The following GLRA2 variants were observed in gnomAD, a reference collection of about 807,000 sequenced individuals.
GLRA2 encodes glycine receptor subunit alpha-2.
GLRA2 carries 11 observed loss-of-function variants against 31.6 expected under a neutral mutation model. That is an observed-to-expected ratio of 0.35 (90% CI 0.22 to 0.58). GLRA2 has a LOEUF of 0.58. Ranked by LOEUF, GLRA2 falls within the 20% of genes least tolerant of loss-of-function variation. GLRA2 has a pLI of 0.84. For missense variants in GLRA2, 212 were observed against 351.8 expected (o/e 0.60, Z 3.18); for synonymous variants, 132 against 134.0 (o/e 0.99, Z 0.10).
the GLRA2 span, among the ~76,000 whole-genome samples, chrX:14,497,213 A>G: frequency 8.9e-6 from 1 of 111,761 alleles, no homozygotes; most frequent in Admixed American, 9.5e-5. Context: ...ACATGGAAAG[A>G]TGATGTAAAG....
rs6628401 is a variant in GLRA2, at chrX:14,660,649, G to A, written c.931-30061G>A. Among the ~76,000 whole-genome samples, 382 of 111,924 alleles carry A rather than the reference G, an allele frequency of 3.4e-3. 1 individual carries two copies. The highest frequency in any genetic ancestry group is 0.011 in the African/African-American group (353 of 30,836). On this transcript the variant is annotated intron_variant, in intron 7 of 8. Transcript: ENST00000218075. ...AAAGCGAGAGATGGAGATTGGGACC[G>A]GTGGCTAGCAGTGGAGAGATGAGAA...
chrX:14,628,192 T>C (rs2090608817), intron 7 of GLRA2, among the ~76,000 whole-genome samples: 1 of 111,839 alleles, frequency 8.9e-6, no homozygotes, highest in Admixed American at 9.5e-5. Flanking sequence ...ATGATTCTTT[T>C]ACTCATTTAT....
At chrX:14,513,798 C>T in the GLRA2 span, among the ~76,000 whole-genome samples, 2 of 111,617 alleles carry the variant, frequency 1.8e-5, no homozygotes, top group Non-Finnish European at 3.8e-5. Flanking sequence ...GAAAAGGGAA[C>T]CCTTATACAC....
intron 7 of GLRA2, among the ~76,000 whole-genome samples, chrX:14,681,118 A>G (rs1228449146): frequency 1.8e-5 from 2 of 112,436 alleles, no homozygotes; most frequent in African/African-American, 6.5e-5. Context: ...GGTTTGTTAC[A>G]TATGTATACA....
intron 7 of GLRA2, among the ~76,000 whole-genome samples, chrX:14,660,894 A>G (rs1174070704): frequency 1.8e-5 from 2 of 112,288 alleles, no homozygotes; most frequent in African/African-American, 6.5e-5. Context: ...GGCATTTGAT[A>G]TAGGAGTGTG....
intron 7 of GLRA2, among the ~76,000 whole-genome samples, chrX:14,683,506 A>G (rs947554382): frequency 9.1e-5 from 10 of 110,409 alleles, no homozygotes; most frequent in Admixed American, 2.9e-4. Flanking sequence ...TTGCCTGTTC[A>G]CTCTGATGGT....
At chrX:14,481,145 C>A in the GLRA2 span, among the ~76,000 whole-genome samples, 3 of 111,191 alleles carry the variant, frequency 2.7e-5, no homozygotes, top group African/African-American at 9.8e-5. Flanking sequence ...ATAAATGGGA[C>A]TGCATTCTTG....
At chrX:14,682,096 T>C (rs2091220172) in intron 7 of GLRA2, among the ~76,000 whole-genome samples, 1 of 104,264 alleles carries the variant, frequency 9.6e-6, no homozygotes, top group African/African-American at 3.5e-5. Context: ...AAGGAACAGA[T>C]AAGTTCAATA....
At chrX:14,574,158 A>G (rs2089922121) in intron 2 of GLRA2, among the ~76,000 whole-genome samples, 175 bp from the exon 3 acceptor site, 3 of 112,552 alleles carry the variant, frequency 2.7e-5, no homozygotes, top group Non-Finnish European at 5.6e-5. Flanking sequence ...CTTAACAGCC[A>G]TTATCCAAAA....
At chrX:14,703,539 G>A (rs1427632951) in intron 8 of GLRA2, among the ~76,000 whole-genome samples, 1 of 111,742 alleles carries the variant, frequency 8.9e-6, no homozygotes, top group Non-Finnish European at 1.9e-5. Flanking sequence ...AAGCCCCTCT[G>A]CTTTGTAGGA....
chrX:14,520,236 TGTC>T, the GLRA2 span, among the ~76,000 whole-genome samples: 1 of 111,934 alleles, frequency 8.9e-6, no homozygotes, highest in African/African-American at 3.2e-5. Flanking sequence ...ACGAAGGTGA[TGTC>T]AAGGGATTTT....
chrX:14,671,050 G>A (rs1048698428), intron 7 of GLRA2, among the ~76,000 whole-genome samples: 1 of 111,767 alleles, frequency 8.9e-6, no homozygotes, highest in African/African-American at 3.3e-5. Context: ...TAGCTGTGCA[G>A]AGCAAAAAGG....
chrX:14,463,963 G>A, the GLRA2 span, among the ~76,000 whole-genome samples: 138 of 111,866 alleles, frequency 1.2e-3, no homozygotes, highest in African/African-American at 4.3e-3. Context: ...TATCTCACTG[G>A]GAGCTGTAGA....
the GLRA2 span, among the ~76,000 whole-genome samples, chrX:14,472,464 G>A: frequency 9.0e-6 from 1 of 110,807 alleles, no homozygotes; most frequent in African/African-American, 3.3e-5. Context: ...TCATCCCATT[G>A]TCTAGGTATT....
chrX:14,722,487 T>A (rs1029782782), intron 8 of GLRA2, among the ~76,000 whole-genome samples: 5 of 111,191 alleles, frequency 4.5e-5, no homozygotes, highest in African/African-American at 1.6e-4. Flanking sequence ...CAAATTCTGT[T>A]GATTAGGAGC....
At chrX:14,492,247 G>C in the GLRA2 span, among the ~76,000 whole-genome samples, 2 of 111,007 alleles carry the variant, frequency 1.8e-5, no homozygotes, top group African/African-American at 6.6e-5. Flanking sequence ...AGGCTGTCAG[G>C]AAACTAGGAA....
At chrX:14,629,853 G>A (rs1002090292) in intron 7 of GLRA2, among the ~76,000 whole-genome samples, 4 of 111,347 alleles carry the variant, frequency 3.6e-5, no homozygotes, top group Non-Finnish European at 7.6e-5. Context: ...GCCCTACAAG[G>A]CAAACTTCTA....
intron 7 of GLRA2, among the ~76,000 whole-genome samples, chrX:14,661,361 C>T (rs764414232): frequency 9.0e-6 from 1 of 111,572 alleles, no homozygotes; most frequent in African/African-American, 3.3e-5. Context: ...CATATATTGA[C>T]AGTCCAAGTT....
In GLRA2 at chrX:14,530,143, G is replaced by A. The variant is rs1376517780; in HGVS notation, c.68+18G>A. ...CACTTCAGGTAGGTGAAACGACTTT[G>A]CATGTTGATATTTAAATTGTTTAAA... On this transcript the variant is annotated intron_variant, in intron 1 of 8. Coordinates refer to ENST00000218075, the MANE Select transcript of GLRA2 (RefSeq NM_002063.4). 2 of 1,019,098 alleles carry A rather than the reference G, an allele frequency of 2.0e-6. No homozygotes were observed. The highest frequency in any genetic ancestry group is 2.8e-6 in the Non-Finnish European group (2 of 719,929). The allele number at this position is 1,019,098 out of a possible 1,213,427, so 84.0% of individuals were successfully genotyped here. A position where few individuals can be genotyped will look rare whatever the true frequency, so the allele number is the denominator to read the frequency against.
Sources: gnomAD v4.1 joint callset for allele counts (sites outside exome capture counted in the v4.1 genomes callset) on GRCh38, gnomAD v4.1.1 for gene constraint, MANE v1.5 for transcripts, NCBI Gene and HGNC (gene_info 2026-07-23, HGNC 2026-07-21) for gene names.